PACS2: variants seen among roughly 807,000 people sequenced by gnomAD.
PACS2 encodes PACS1-like protein.
Under a neutral mutation model 113.0 loss-of-function variants are expected in PACS2, and 36 were observed. The observed-to-expected ratio is 0.32, with a 90% CI of 0.24 to 0.42. PACS2 has a LOEUF of 0.42. Ranked by LOEUF, PACS2 falls within the 10% of genes least tolerant of loss-of-function variation. The pLI, the probability that PACS2 is intolerant of heterozygous loss-of-function variation, is 1.00. For missense variants in PACS2, 1,015 were observed against 1,239.5 expected, an observed-to-expected ratio of 0.82 and a Z score of 2.72; for synonymous variants, 589 against 536.1, an observed-to-expected ratio of 1.10 and a Z score of -1.36.
In PACS2 at chr14:105,358,973, C is replaced by T. The variant is rs587702922; in HGVS notation, c.423+3796C>T. 5.3e-5 allele frequency among the ~76,000 whole-genome samples: 8 copies of T among 152,346 alleles called. No homozygotes were observed. The South Asian group carries it at 8.3e-4, about 16-fold the overall frequency. On this transcript the variant is annotated intron_variant, in intron 4 of 24. Coordinates refer to ENST00000447393, the MANE Select transcript of PACS2 (RefSeq NM_001100913.3). This position sits in a 1 kb window ranked among gnomAD's most constrained non-coding sequence, Gnocchi z 4.9. ...CGTGAGAATATGATGGCACTGGACA[C>T]TTCCTATCTCCTGATGACATGGTAG...
At chr14:105,383,566 G>A in intron 16 of PACS2, 53 bp downstream of exon 16, 1 of 1,516,912 alleles carries the variant, frequency 6.6e-7, no homozygotes, top group South Asian at 1.2e-5. Context: ...CGGGCAGTGT[G>A]GCGTGGCATG....
At position 105,354,993 on chromosome 14, in the gene PACS2, C is replaced by T. The variant is rs1289954307; in HGVS notation, c.298-59C>T. The T allele has an allele frequency of 1.5e-5, 23 of 1,580,092 alleles. No homozygotes were observed. Among genetic ancestry groups the T allele is most frequent in the Admixed American group, 5.3e-5 (3 of 57,076 alleles). On this transcript the variant is annotated intron_variant, in intron 3 of 24. Coordinates refer to ENST00000447393, the MANE Select transcript of PACS2 (RefSeq NM_001100913.3). This position sits in a 1 kb window ranked among gnomAD's most constrained non-coding sequence, Gnocchi z 4.2. ...GCAGGGTGGCTGGGCCGTCAGAGGC[C>T]GTGATGCTGCCTGGGGCCCCGGTGC...
At chr14:105,302,565 T>A (rs1258803613) in intron 1 of PACS2, among the ~76,000 whole-genome samples, 3 of 151,722 alleles carry the variant, frequency 2.0e-5, no homozygotes, top group African/African-American at 7.3e-5. Flanking sequence ...TTTGGTTCAA[T>A]GTGTTCCCTT....
At chr14:105,383,201 G>A (rs782363147) in intron 15 of PACS2, 158 bp from the exon 16 acceptor site, 2 of 836,124 alleles carry the variant, frequency 2.4e-6, no homozygotes, top group African/African-American at 3.3e-5. Flanking sequence ...GGCACGTTTG[G>A]GCATGTGGGG....
At chr14:105,380,847 C>A (rs895203019) in intron 11 of PACS2, 110 bp from the exon 12 acceptor site, 1 of 1,073,924 alleles carries the variant, frequency 9.3e-7, no homozygotes, top group East Asian at 2.6e-5. Flanking sequence ...GTAGGAGCCA[C>A]GGCCTAGAGA....
intron 15 of PACS2, 188 bp downstream of exon 15, chr14:105,383,101 G>A (rs1407009640): frequency 4.8e-6 from 3 of 623,714 alleles, no homozygotes; most frequent in Admixed American, 2.6e-5. Flanking sequence ...GCAGCAGCCT[G>A]GTGGGTGTCC....
chr14:105,379,579 G>A (rs983255913), intron 9 of PACS2, among the ~76,000 whole-genome samples, 160 bp from the exon 10 acceptor site: 2 of 152,190 alleles, frequency 1.3e-5, no homozygotes, highest in East Asian at 1.9e-4. Context: ...CAGCTGGTGC[G>A]AGCGGGGTGT....
intron 8 of PACS2, among the ~76,000 whole-genome samples, chr14:105,373,295 T>C (rs587598589): frequency 1.7e-4 from 26 of 152,356 alleles, no homozygotes; most frequent in African/African-American, 6.0e-4. Context: ...AGAAGACTTA[T>C]ACTTCCCAAT....
At chr14:105,372,502 A>G (rs1364067033) in intron 8 of PACS2, 1 of 152,246 alleles carries the variant, frequency 6.6e-6, no homozygotes, top group Non-Finnish European at 1.5e-5. Context: ...TCCTGCACTA[A>G]TGCCACTGAA....
At chr14:105,372,501 A>G (rs1226205933) in intron 8 of PACS2, 2 of 152,244 alleles carry the variant, frequency 1.3e-5, no homozygotes, top group Admixed American at 1.3e-4. Flanking sequence ...ATCCTGCACT[A>G]ATGCCACTGA....
Position 105,393,338 on chromosome 14 carries a change from G to A in PACS2, c.2596+3G>A. 1 of 1,600,482 alleles carries A rather than the reference G, an allele frequency of 6.2e-7. No individual in the cohort carries two copies. The highest frequency in any genetic ancestry group is 8.5e-7 in the Non-Finnish European group (1 of 1,171,942). ...GCAGCAGCAGAACATGCTGCGGGGT[G>A]AGCACCACCGGCCCCGGGGTCTGTA... On this transcript the variant is annotated splice_donor_region_variant and intron_variant, in intron 24 of 24. Transcript: ENST00000447393.
chr14:105,397,807 TGACCAGGCCACTTCTTCC>T lies in PACS2; in HGVS notation c.*3138_*3155del, dbSNP rs1393356427. ...TCCGGGAATGAATTCCTCATGAAAATGACCAGGCCACTTCTTCCGAGGGCCAGGCCGCCCCCTCCCCGA... is the reference window on the plus strand; with the variant it reads ...TCCGGGAATGAATTCCTCATGAAAATGAGGGCCAGGCCGCCCCCTCCCCGA... On this transcript the variant is annotated 3_prime_UTR_variant, in exon 25 of 25. Transcript: ENST00000447393. 6.6e-6 allele frequency: 1 copy of T among 152,138 alleles called. No individual in the cohort carries two copies. Among genetic ancestry groups the T allele is most frequent in the African/African-American group, 2.4e-5 (1 of 41,422 alleles). The allele number at this position is 152,138 out of a possible 1,614,324, so 9.4% of individuals were successfully genotyped here.
intron 4 of PACS2, among the ~76,000 whole-genome samples, chr14:105,363,040 CAT>C (rs1333226136): frequency 2.6e-5 from 4 of 152,194 alleles, no homozygotes; most frequent in Non-Finnish European, 5.9e-5. Context: ...CAATAGGTCT[CAT>C]AGTGGGCTTA....
intron 14 of PACS2, 80 bp from the exon 15 acceptor site, chr14:105,382,727 T>A: frequency 1.0e-6 from 1 of 993,134 alleles, no homozygotes; most frequent in Non-Finnish European, 1.5e-6. Context: ...CTGGAGCCCC[T>A]GAGAGCTTTG....
intron 1 of PACS2, among the ~76,000 whole-genome samples, chr14:105,316,041 C>T (rs1322550518): frequency 6.6e-6 from 1 of 152,252 alleles, no homozygotes; most frequent in African/African-American, 2.4e-5. Context: ...CCTCTCCGTG[C>T]TTTCCTGTGG....
intron 1 of PACS2, among the ~76,000 whole-genome samples, chr14:105,339,696 T>C (rs1209618844): frequency 6.7e-6 from 1 of 148,476 alleles, no homozygotes; most frequent in Non-Finnish European, 1.5e-5. Flanking sequence ...ATTCTGTCTC[T>C]ATTAAAAAAA....
chr14:105,350,988 C>T (rs2060152462), intron 2 of PACS2, among the ~76,000 whole-genome samples: 1 of 152,230 alleles, frequency 6.6e-6, no homozygotes, highest in Non-Finnish European at 1.5e-5. Flanking sequence ...TCTCATGGAG[C>T]CCGAGTACGG....
chr14:105,355,787 A>G lies in PACS2; in HGVS notation c.423+610A>G, dbSNP rs926095871. 3.3e-5 allele frequency among the ~76,000 whole-genome samples: 5 copies of G among 152,254 alleles called. No homozygotes were observed. Among genetic ancestry groups the G allele is most frequent in the African/African-American group, 1.2e-4 (5 of 41,476 alleles). ...GAACCCAGCGTTCCAAGGAGGCTGC[A>G]GTAGGGCGTGGGGGCCTGGGAGAAG... is the stretch of plus-strand genomic sequence containing the variant. On this transcript the variant is annotated intron_variant, in intron 4 of 24. Transcript: ENST00000447393. This position sits in a 1 kb window ranked among gnomAD's most constrained non-coding sequence, Gnocchi z 4.1.
intron 24 of PACS2, chr14:105,394,110 G>A: frequency 3.1e-6 from 2 of 643,932 alleles, no homozygotes; most frequent in Non-Finnish European, 3.9e-6. Flanking sequence ...GGAGCTCTGG[G>A]AGGCTTTCCT....
Sources: gnomAD v4.1 joint callset for allele counts (sites outside exome capture counted in the v4.1 genomes callset) on GRCh38, gnomAD v4.1.1 for gene constraint, Gnocchi (gnomAD v3.1) non-coding constraint, MANE v1.5 for transcripts, NCBI Gene and HGNC (gene_info 2026-07-23, HGNC 2026-07-21) for gene names.